The following ZNF131 variants were observed in gnomAD, a reference collection of about 807,000 sequenced individuals.
The protein encoded by ZNF131 is zinc finger and BTB domain containing 35, also known as zinc finger protein 131.
Under a neutral mutation model 60.0 loss-of-function variants are expected in ZNF131, and 7 were observed. The observed-to-expected ratio is 0.12, with a 90% CI of 0.07 to 0.22. The LOEUF (loss-of-function observed/expected upper bound fraction) is 0.22. Ranked by LOEUF, ZNF131 falls within the 10% of genes least tolerant of loss-of-function variation. The probability of loss-of-function intolerance (pLI) is 1.00; values close to 1 mark genes in which losing one functional copy is unlikely to be tolerated. For synonymous variants in ZNF131, 257 were observed against 253.2 expected (o/e 1.01, Z -0.14); for missense variants, 493 against 740.9 (o/e 0.67, Z 3.88).
intron 4 of ZNF131, among the ~76,000 whole-genome samples, chr5:43,147,238 T>A (rs141236025): frequency 3.4e-4 from 52 of 152,186 alleles, no homozygotes; most frequent in African/African-American, 1.0e-3. Flanking sequence ...TGTTTTTTTT[T>A]AAGATTTTAT....
At position 43,128,745 on chromosome 5, in the gene ZNF131, A is replaced by G. The variant is rs12659721; in HGVS notation, c.226+5435A>G. Among the ~76,000 whole-genome samples the G allele has an allele frequency of 0.011, 1,606 of 150,966 alleles. 106 individuals are homozygous for G. The East Asian group carries it at 0.18, about 17-fold the overall frequency. ...ATTTATCCCAGTTTTGATTCCAAAG[A>G]TCAGGTACCAGTACTTTCTTTTTGG... On this transcript the variant is annotated intron_variant, in intron 3 of 6. Transcript: ENST00000682664.
rs1406056511 is a variant in ZNF131, at chr5:43,174,689, G to A, written c.1428G>A (p.Gly476=). 6.2e-7 allele frequency: 1 copy of A among 1,614,202 alleles called. No homozygotes were observed. Among genetic ancestry groups the A allele is most frequent in the Non-Finnish European group, 8.5e-7 (1 of 1,180,036 alleles). Residue 476 remains glycine (G), a synonymous_variant, in exon 7 of 7, where the codon GGG becomes GGA. Coordinates refer to ENST00000682664, the MANE Select transcript of ZNF131 (RefSeq NM_001330707.2). ...CAATGACTATTATAGAACAAGTTGG[G>A]AAGGTGCATGTGCTACCATTGCTTC... ...VTSMTIIEQV[G]KVHVLPLLQV... is the part of the protein sequence containing the mutation.
Position 43,141,696 on chromosome 5 carries a change from A to T in ZNF131, c.371+2387A>T, listed in dbSNP as rs112023359. 7.8e-3 allele frequency among the ~76,000 whole-genome samples: 1,180 copies of T among 151,766 alleles called. 18 individuals carry two copies. The highest frequency in any genetic ancestry group is 0.027 in the African/African-American group (1,128 of 41,352). On this transcript the variant is annotated intron_variant, in intron 4 of 6. Coordinates refer to ENST00000682664, the MANE Select transcript of ZNF131 (RefSeq NM_001330707.2). The stretch of plus-strand genomic sequence containing the variant: ...GGTGGTACGATCGCTTGAGCATGGG[A>T]GACTCAGAGGTTGCAGTGAGCCGAG...
chr5:43,167,853 A>G (rs1007679543), intron 5 of ZNF131: 1 of 368,704 alleles, frequency 2.7e-6, no homozygotes, highest in South Asian at 2.1e-5. Context: ...CAAAGGTGAT[A>G]TCTTAGTCTG....
intron 5 of ZNF131, among the ~76,000 whole-genome samples, chr5:43,165,090 A>G (rs1044486730): frequency 4.6e-5 from 7 of 152,172 alleles, no homozygotes; most frequent in African/African-American, 2.4e-5. Context: ...AGCTGGGACT[A>G]CAGATGTGTG....
intron 3 of ZNF131, among the ~76,000 whole-genome samples, chr5:43,128,664 A>AAAAC (rs1489551875): frequency 6.6e-6 from 1 of 151,012 alleles, no homozygotes; most frequent in African/African-American, 2.4e-5. Context: ...CTCAAAAAAA[A>AAAAC]AAAAAAAAAA....
intron 5 of ZNF131, chr5:43,167,957 T>A (rs748826164): frequency 2.2e-6 from 1 of 453,852 alleles, no homozygotes; most frequent in East Asian, 7.0e-5. Context: ...TTCACTGTTA[T>A]GAGGCCACAT....
rs1211366851 is a variant in ZNF131, at chr5:43,175,251, G to C, written c.*118G>C. The C allele has an allele frequency of 6.6e-5, 70 of 1,055,722 alleles. No individual in the cohort carries two copies. The East Asian group carries it at 1.6e-3, about 25-fold the overall frequency. The allele number at this position is 1,055,722 out of a possible 1,614,324, so 65.4% of individuals were successfully genotyped here. Reference sequence around the variant, plus strand: ...GTGGACCAAAGTTAAGCTGTTTCCTGTTGTGCTGAACTGTTGTCCGTTGAA... The same window carrying C: ...GTGGACCAAAGTTAAGCTGTTTCCTCTTGTGCTGAACTGTTGTCCGTTGAA... On this transcript the variant is annotated 3_prime_UTR_variant, in exon 7 of 7. Transcript: ENST00000682664.
At chr5:43,169,937 C>A (rs1384101673) in intron 5 of ZNF131, among the ~76,000 whole-genome samples, 1 of 151,950 alleles carries the variant, frequency 6.6e-6, no homozygotes, top group Admixed American at 6.6e-5. Flanking sequence ...CTTACAGGCA[C>A]CCGCCGCCAC....
At chr5:43,166,988 A>G (rs147098324) in intron 5 of ZNF131, among the ~76,000 whole-genome samples, 1 of 152,264 alleles carries the variant, frequency 6.6e-6, no homozygotes, top group East Asian at 1.9e-4. Context: ...AAACACTTAG[A>G]GGCTGTTGTA....
At chr5:43,166,604 C>T (rs1750387939) in intron 5 of ZNF131, among the ~76,000 whole-genome samples, 1 of 151,962 alleles carries the variant, frequency 6.6e-6, no homozygotes, top group Non-Finnish European at 1.5e-5. Context: ...TCGTGATCCA[C>T]CCCCCTCGGC....
chr5:43,125,665 A>G (rs1345956064), intron 3 of ZNF131, among the ~76,000 whole-genome samples: 1 of 151,894 alleles, frequency 6.6e-6, no homozygotes, highest in Non-Finnish European at 1.5e-5. Context: ...CTGTAATCCC[A>G]GCTACTCAGG....
chr5:43,173,200 T>C, intron 5 of ZNF131, 118 bp from the exon 6 acceptor site: 1 of 1,081,382 alleles, frequency 9.2e-7, no homozygotes, highest in Admixed American at 3.0e-5. Context: ...TGAATTGTGA[T>C]TTCTCCTTTT....
intron 3 of ZNF131, chr5:43,124,714 A>G (rs1206377620): frequency 6.6e-6 from 1 of 152,170 alleles, no homozygotes; most frequent in Non-Finnish European, 1.5e-5. Context: ...TCAATTGCAT[A>G]CTTTTCTCCT....
chr5:43,134,843 C>G (rs914869072), intron 3 of ZNF131, among the ~76,000 whole-genome samples: 1 of 147,522 alleles, frequency 6.8e-6, no homozygotes, highest in Non-Finnish European at 1.5e-5. Context: ...TGTACAGGCT[C>G]CCCCTATCAC....
chr5:43,151,808 T>C (rs913223326), intron 4 of ZNF131, among the ~76,000 whole-genome samples: 1 of 152,110 alleles, frequency 6.6e-6, no homozygotes, highest in Non-Finnish European at 1.5e-5. Context: ...CAGGGGCACA[T>C]AGGAACCCTG....
intron 4 of ZNF131, among the ~76,000 whole-genome samples, chr5:43,159,695 C>CAAAA (rs35599400): frequency 0.061 from 5,641 of 93,156 alleles, 172 homozygotes; most frequent in Non-Finnish European, 0.074. Context: ...TACTCTGTCT[C>CAAAA]AAAAAAAAAA....
chr5:43,140,637 A>G (rs1357440944), intron 4 of ZNF131, among the ~76,000 whole-genome samples: 1 of 152,248 alleles, frequency 6.6e-6, no homozygotes, highest in Non-Finnish European at 1.5e-5. Flanking sequence ...ACATAGCGGC[A>G]CAATGATTTA....
intron 3 of ZNF131, 91 bp from the exon 4 acceptor site, chr5:43,139,074 A>G (rs911122930): frequency 9.0e-7 from 1 of 1,111,478 alleles, no homozygotes; most frequent in Non-Finnish European, 1.2e-6. Flanking sequence ...ATACTCAACA[A>G]GCTCCAAGCC....
Sources: allele counts gnomAD v4.1 joint callset (sites outside exome capture counted in the v4.1 genomes callset), GRCh38; gene constraint gnomAD v4.1.1; transcripts MANE v1.5; gene names NCBI Gene and HGNC (gene_info 2026-07-23, HGNC 2026-07-21).